Variants in DPP6 observed in about 807,000 individuals in gnomAD.
The protein encoded by DPP6 is A-type potassium channel modulatory protein DPP6.
DPP6 carries 69 observed loss-of-function variants against 122.6 expected under a neutral mutation model. The ratio of observed to expected loss-of-function variants is 0.56; its 90% confidence interval spans 0.46 to 0.69. The LOEUF (loss-of-function observed/expected upper bound fraction) is 0.69. Ranked by LOEUF, DPP6 falls within the 30% of genes least tolerant of loss-of-function variation. DPP6 has a pLI of 0.00. For missense variants in DPP6, 928 were observed against 1,116.9 expected, an observed-to-expected ratio of 0.83 and a Z score of 2.41; for synonymous variants, 418 against 433.1, an observed-to-expected ratio of 0.97 and a Z score of 0.43.
At chr7:154,140,018 G>T (rs537883644) in intron 1 of DPP6, among the ~76,000 whole-genome samples, 1 of 152,284 alleles carries the variant, frequency 6.6e-6, no homozygotes, top group East Asian at 1.9e-4. Context: ...TAGCCCGTGG[G>T]AAGATATCCA....
chr7:153,852,135 C>T, the DPP6 span, among the ~76,000 whole-genome samples: 1 of 152,164 alleles, frequency 6.6e-6, no homozygotes, highest in African/African-American at 2.4e-5. Flanking sequence ...CATTCAGCAG[C>T]ATTTTCTGTT....
the DPP6 span, among the ~76,000 whole-genome samples, chr7:153,849,641 T>C: frequency 1.3e-5 from 2 of 152,214 alleles, no homozygotes; most frequent in African/African-American, 4.8e-5. Context: ...CTACTGGCTT[T>C]TGTTCCATGT....
intron 8 of DPP6, among the ~76,000 whole-genome samples, chr7:154,753,606 A>G (rs537882557): frequency 6.6e-6 from 1 of 152,316 alleles, no homozygotes; most frequent in Non-Finnish European, 1.5e-5. Flanking sequence ...CTCACGTGCC[A>G]GTGTGGAATC....
chr7:154,608,981 T>C (rs183081873), intron 5 of DPP6, among the ~76,000 whole-genome samples: 1 of 152,284 alleles, frequency 6.6e-6, no homozygotes, highest in East Asian at 1.9e-4. Context: ...GTCAACAGTT[T>C]TAGATCCTAA....
At chr7:154,345,768 A>G (rs1389288268) in intron 1 of DPP6, among the ~76,000 whole-genome samples, 1 of 152,042 alleles carries the variant, frequency 6.6e-6, no homozygotes, top group Admixed American at 6.5e-5. Context: ...TCCCTCATTT[A>G]TGGTCCCTGG....
At chr7:154,722,056 G>A (rs560623942) in intron 7 of DPP6, among the ~76,000 whole-genome samples, 9 of 151,932 alleles carry the variant, frequency 5.9e-5, no homozygotes, top group East Asian at 3.9e-4. Context: ...ATGCCTGGCC[G>A]TGGTGGTGTG....
chr7:154,649,804 G>T (rs755041178), intron 6 of DPP6, among the ~76,000 whole-genome samples: 1 of 152,152 alleles, frequency 6.6e-6, no homozygotes, highest in Non-Finnish European at 1.5e-5. Context: ...TATCAGCCGC[G>T]AAGACAAATA....
At chr7:154,442,663 G>A (rs1819488938) in intron 1 of DPP6, among the ~76,000 whole-genome samples, 1 of 152,152 alleles carries the variant, frequency 6.6e-6, no homozygotes, top group African/African-American at 2.4e-5. Flanking sequence ...GGGGCAAAGG[G>A]TGTTTTTTTC....
rs552549747 is a variant in DPP6 at position 154,826,980 on chromosome 7, T to A, written c.1666+19868T>A. On this transcript the variant is annotated intron_variant, in intron 16 of 25. Transcript: ENST00000377770. ...GTTTGTAGCTGTAAGTCCATCAGAG[T>A]GAGACAACATGAACATGAATATGGA... Among the ~76,000 whole-genome samples the A allele has an allele frequency of 4.6e-5, 7 of 152,074 alleles. 1 individual carries two copies. The highest frequency in any genetic ancestry group is 6.8e-3 in the Middle Eastern group (2 of 294).
chr7:154,543,757 G>A (rs1828918693), intron 4 of DPP6, among the ~76,000 whole-genome samples: 1 of 152,040 alleles, frequency 6.6e-6, no homozygotes, highest in South Asian at 2.1e-4. Context: ...ACTTTGAGAG[G>A]CCAAGGCGGG....
chr7:154,146,548 G>T (rs183189984), intron 1 of DPP6, among the ~76,000 whole-genome samples: 1 of 152,208 alleles, frequency 6.6e-6, no homozygotes, highest in South Asian at 2.1e-4. Context: ...CTGGCCAACT[G>T]CCCCTTCTCC....
the DPP6 span, among the ~76,000 whole-genome samples, chr7:153,810,662 T>A: frequency 1.4e-5 from 1 of 69,230 alleles, no homozygotes; most frequent in Non-Finnish European, 3.3e-5. Flanking sequence ...CTCCCTCTCC[T>A]CTCTCTCTCC....
chr7:154,128,624 C>T (rs1381943041), intron 1 of DPP6, among the ~76,000 whole-genome samples: 2 of 152,158 alleles, frequency 1.3e-5, no homozygotes, highest in East Asian at 1.9e-4. Flanking sequence ...CTCCTGACCT[C>T]GTGATCCACC....
intron 1 of DPP6, among the ~76,000 whole-genome samples, chr7:154,166,203 G>A (rs1433048957): frequency 2.0e-5 from 3 of 152,104 alleles, no homozygotes; most frequent in African/African-American, 7.2e-5. Flanking sequence ...AATCAGAGGT[G>A]CTCCATGAAG....
chr7:154,730,668 T>C (rs904859995), intron 8 of DPP6, among the ~76,000 whole-genome samples: 1 of 152,100 alleles, frequency 6.6e-6, no homozygotes, highest in Admixed American at 6.5e-5. Flanking sequence ...AGGGCAGAAA[T>C]TGTCTGACCT....
At chr7:154,484,830 G>C (rs1277804373) in intron 3 of DPP6, among the ~76,000 whole-genome samples, 1 of 152,204 alleles carries the variant, frequency 6.6e-6, no homozygotes, top group Non-Finnish European at 1.5e-5. Flanking sequence ...GAAAATATCA[G>C]CTGGCTGGTT....
chr7:153,997,593 G>GCACACACACACACACACACACACA lies in DPP6; in HGVS notation c.51+109882_51+109883insACACACACACACACACACACACAC, dbSNP rs3980023. 5.5e-5 allele frequency among the ~76,000 whole-genome samples: 8 copies of GCACACACACACACACACACACACA among 146,088 alleles called. No individual in the cohort carries two copies. The East Asian group carries it at 8.1e-4, about 15-fold the overall frequency. On this transcript the variant is annotated intron_variant, in intron 1 of 25. Coordinates refer to the DPP6 transcript ENST00000404039. The stretch of plus-strand genomic sequence containing the variant: ...TATTCTCTTTGAGTATGAGTGCACA[G>GCACACACACACACACACACACACA]CACACACACACACACACACACACCT...
At chr7:154,443,864 C>T (rs1341373153) in intron 1 of DPP6, among the ~76,000 whole-genome samples, 1 of 152,224 alleles carries the variant, frequency 6.6e-6, no homozygotes, top group Non-Finnish European at 1.5e-5. Context: ...TATAGCCTCA[C>T]TTTCACCATG....
At chr7:154,327,258 C>T (rs1174266810) in intron 1 of DPP6, among the ~76,000 whole-genome samples, 2 of 152,002 alleles carry the variant, frequency 1.3e-5, no homozygotes, top group Non-Finnish European at 2.9e-5. Context: ...GGTAAAAAGC[C>T]GTGTTAAGTG....
Sources: gnomAD v4.1 joint callset for allele counts (sites outside exome capture counted in the v4.1 genomes callset) on GRCh38, gnomAD v4.1.1 for gene constraint, MANE v1.5 for transcripts, NCBI Gene and HGNC (gene_info 2026-07-23, HGNC 2026-07-21) for gene names.